FOXRED1: variants seen among roughly 807,000 people sequenced by gnomAD.
FOXRED1 encodes FAD-dependent oxidoreductase domain-containing protein 1.
In FOXRED1, 52 loss-of-function variants were observed where a neutral mutation model predicts 57.8. The ratio of observed to expected loss-of-function variants is 0.90; its 90% CI spans 0.72 to 1.13. The LOEUF is 1.13. Ranked by LOEUF, FOXRED1 falls within the 50% of genes most tolerant of loss-of-function variation. The pLI is 0.00. For missense variants in FOXRED1, 589 were observed against 625.2 expected, an observed-to-expected ratio of 0.94 and a Z score of 0.62; for synonymous variants, 271 against 248.3, an observed-to-expected ratio of 1.09 and a Z score of -0.86.
intron 1 of FOXRED1, among the ~76,000 whole-genome samples, chr11:126,270,607 C>T (rs1353358562): frequency 6.6e-6 from 1 of 152,008 alleles, no homozygotes; most frequent in African/African-American, 2.4e-5. Context: ...AAATAAGGTG[C>T]CATCAAGGAA....
In FOXRED1 at chr11:126,271,713, A is replaced by G; in HGVS notation, c.306+56A>G. 7.2e-7 allele frequency: 1 copy of G among 1,381,812 alleles called. No homozygotes were observed. The highest frequency in any genetic ancestry group is 1.0e-6 in the Non-Finnish European group (1 of 971,814). 85.6% of individuals were successfully genotyped at this position (1,381,812 alleles called of 1,614,324 possible). A position where few individuals can be genotyped will look rare whatever the true frequency, so the allele number is the denominator to read the frequency against. ...TGGGGCAAGAAAGATGACTCATTTT[A>G]TTAAGGACTCTAGCGACAAGGGAAG... On this transcript the variant is annotated intron_variant, in intron 2 of 10. Transcript: ENST00000263578. The surrounding 1 kb of genome is among the most constrained non-coding windows in gnomAD (Gnocchi z 5.3).
At position 126,272,701 on chromosome 11, in the gene FOXRED1, G is replaced by A. The variant is rs917938074; in HGVS notation, c.307-268G>A. ...CCAAATGGTAGGTCAAACGTTAATC[G>A]CCTGCCCTTGGACTTCCAGGCCATT... is the stretch of plus-strand genomic sequence containing the variant. On this transcript the variant is annotated intron_variant, in intron 2 of 10. Coordinates refer to ENST00000263578, the MANE Select transcript of FOXRED1 (RefSeq NM_017547.4). This position sits in a 1 kb window ranked among gnomAD's most constrained non-coding sequence, Gnocchi z 4.6. The A allele has an allele frequency of 1.8e-5, 10 of 550,628 alleles. No homozygotes were observed. The highest frequency in any genetic ancestry group is 7.6e-5 in the African/African-American group (4 of 52,800). The allele number at this position is 550,628 out of a possible 1,614,324, so 34.1% of individuals were successfully genotyped here.
Position 126,273,721 on chromosome 11 carries a change from C to T in FOXRED1, c.536+267C>T, listed in dbSNP as rs1249390941. On this transcript the variant is annotated intron_variant, in intron 4 of 10. Transcript: ENST00000263578. This position sits in a 1 kb window ranked among gnomAD's most constrained non-coding sequence, Gnocchi z 5.9. ...TCCCAGACCTAATAAACCAGAATCT[C>T]TAGGGAAGGAGCCCACAAATCTGGG... 2 of 482,940 alleles carry T rather than the reference C, an allele frequency of 4.1e-6. No homozygotes were observed. Among genetic ancestry groups the T allele is most frequent in the Non-Finnish European group, 7.6e-6 (2 of 263,454 alleles). The allele number at this position is 482,940 out of a possible 1,614,324, so 29.9% of individuals were successfully genotyped here.
At position 126,273,278 on chromosome 11, in the gene FOXRED1, A is replaced by C. The variant is rs1371093077; in HGVS notation, c.418-58A>C. On this transcript the variant is annotated intron_variant, in intron 3 of 10. Transcript: ENST00000263578. The surrounding 1 kb of genome is among the most constrained non-coding windows in gnomAD (Gnocchi z 5.9). The stretch of plus-strand genomic sequence containing the variant: ...GGGAGCTGTGGGGGAAGAAGGCAGG[A>C]AAACTCTTTCTGGCATCCTTAAGTC... 7.4e-7 allele frequency: 1 copy of C among 1,358,072 alleles called. No homozygotes were observed. Among genetic ancestry groups the C allele is most frequent in the Admixed American group, 1.7e-5 (1 of 59,716 alleles). 84.1% of individuals were successfully genotyped at this position (1,358,072 alleles called of 1,614,324 possible).
rs768279930 is a variant in FOXRED1, at chr11:126,275,765, C to T, written c.734-29C>T. On this transcript the variant is annotated intron_variant, in intron 6 of 10. Transcript: ENST00000263578. This position sits in a 1 kb window ranked among gnomAD's most constrained non-coding sequence, Gnocchi z 5.9. ...ATTTCATTCCTCTTCAGCACCTCTA[C>T]GGCCTATTTTTCATTTTCTTCTCTG... 20 of 1,469,768 alleles carry T rather than the reference C, an allele frequency of 1.4e-5. No homozygotes were observed. The highest frequency in any genetic ancestry group is 8.3e-5 in the African/African-American group (6 of 72,130). 91.0% of individuals were successfully genotyped at this position (1,469,768 alleles called of 1,614,324 possible).
chr11:126,275,134 T>C lies in FOXRED1; in HGVS notation c.631+113T>C. ...CCAAGCTGAAGGAGGAACACTTCCC[T>C]CCTGTGTCACGGGAACTGCCCTGGG... On this transcript the variant is annotated intron_variant, in intron 5 of 10. Coordinates refer to ENST00000263578, the MANE Select transcript of FOXRED1 (RefSeq NM_017547.4). This position sits in a 1 kb window ranked among gnomAD's most constrained non-coding sequence, Gnocchi z 5.9. 1.2e-6 allele frequency: 1 copy of C among 843,818 alleles called. No homozygotes were observed. The allele number at this position is 843,818 out of a possible 1,614,324, so 52.3% of individuals were successfully genotyped here.
chr11:126,277,369 G>A lies in FOXRED1; in HGVS notation c.1207-66G>A. The stretch of plus-strand genomic sequence containing the variant: ...TAGAGGGTACTCTGTGCTGAGCCCT[G>A]AGGGGAGTGAGGATGGAGTGTGGCT... On this transcript the variant is annotated intron_variant, in intron 10 of 10. Coordinates refer to ENST00000263578, the MANE Select transcript of FOXRED1 (RefSeq NM_017547.4). This position sits in a 1 kb window ranked among gnomAD's most constrained non-coding sequence, Gnocchi z 6.8. 6.3e-7 allele frequency: 1 copy of A among 1,587,578 alleles called. No individual in the cohort carries two copies. Among genetic ancestry groups the A allele is most frequent in the Non-Finnish European group, 8.6e-7 (1 of 1,157,476 alleles).
At position 126,272,898 on chromosome 11, in the gene FOXRED1, C is replaced by G. The variant is rs1466724438; in HGVS notation, c.307-71C>G. On this transcript the variant is annotated intron_variant, in intron 2 of 10. Coordinates refer to ENST00000263578, the MANE Select transcript of FOXRED1 (RefSeq NM_017547.4). The surrounding 1 kb of genome is among the most constrained non-coding windows in gnomAD (Gnocchi z 4.6). ...TCAACTTTAGGTGTATAGCTCGAAGCTTTCATTGCAGTATTCTAGTCACAT... is the reference window on the plus strand; with the variant it reads ...TCAACTTTAGGTGTATAGCTCGAAGGTTTCATTGCAGTATTCTAGTCACAT... 8 of 829,648 alleles carry G rather than the reference C, an allele frequency of 9.6e-6. No individual in the cohort carries two copies. Among genetic ancestry groups the G allele is most frequent in the Non-Finnish European group, 1.7e-5 (8 of 464,172 alleles). The allele number at this position is 829,648 out of a possible 1,614,324, so 51.4% of individuals were successfully genotyped here. A position where few individuals can be genotyped will look rare whatever the true frequency, so the allele number is the denominator to read the frequency against.
chr11:126,275,455 A>C lies in FOXRED1; in HGVS notation c.733+27A>C. On this transcript the variant is annotated intron_variant, in intron 6 of 10. Coordinates refer to ENST00000263578, the MANE Select transcript of FOXRED1 (RefSeq NM_017547.4). The surrounding 1 kb of genome is among the most constrained non-coding windows in gnomAD (Gnocchi z 5.9). ...TGAGTCTGAGCTTGTTTCCTCTAGCAACCGGGGCATAGGCCTAGACTAGGT... is the reference window on the plus strand; with the variant it reads ...TGAGTCTGAGCTTGTTTCCTCTAGCCACCGGGGCATAGGCCTAGACTAGGT... The C allele has an allele frequency of 6.8e-7, 1 of 1,478,746 alleles. No individual in the cohort carries two copies. The highest frequency in any genetic ancestry group is 1.7e-4 in the Middle Eastern group (1 of 5,806). The allele number at this position is 1,478,746 out of a possible 1,614,324, so 91.6% of individuals were successfully genotyped here. A position where few individuals can be genotyped will look rare whatever the true frequency, so the allele number is the denominator to read the frequency against.
At position 126,271,819 on chromosome 11, in the gene FOXRED1, G is replaced by C. The variant is rs952989237; in HGVS notation, c.306+162G>C. The stretch of plus-strand genomic sequence containing the variant: ...GGACTTTGTTGAGAAATTTTCCTAG[G>C]ATCTTCCTCAGTCGAACCAGGAAGC... On this transcript the variant is annotated intron_variant, in intron 2 of 10. Coordinates refer to ENST00000263578, the MANE Select transcript of FOXRED1 (RefSeq NM_017547.4). The surrounding 1 kb of genome is among the most constrained non-coding windows in gnomAD (Gnocchi z 5.3). The C allele has an allele frequency of 5.9e-6, 4 of 681,772 alleles. No homozygotes were observed. The East Asian group carries it at 1.1e-4, about 19-fold the overall frequency. 42.2% of individuals were successfully genotyped at this position (681,772 alleles called of 1,614,324 possible). A position where few individuals can be genotyped will look rare whatever the true frequency, so the allele number is the denominator to read the frequency against.
Position 126,275,000 on chromosome 11 carries a change from G to GGAGT in FOXRED1, c.612_615dup (p.Ala206SerfsTer15), listed in dbSNP as rs398124308. 3.1e-4 allele frequency: 502 copies of GGAGT among 1,613,142 alleles called. No individual in the cohort carries two copies. The highest frequency in any genetic ancestry group is 3.8e-4 in the Non-Finnish European group (446 of 1,179,108). On this transcript the variant is annotated frameshift_variant, in exon 5 of 11. Transcript: ENST00000263578. LOFTEE classifies it high-confidence loss of function. The surrounding 1 kb of genome is among the most constrained non-coding windows in gnomAD (Gnocchi z 4.8). ...CAAGTTTCCCTGGATAAACACAGAG[G>GGAGT]GAGTGGCTTTGGCGTCTTATGGTGA...
At position 126,272,618 on chromosome 11, in the gene FOXRED1, T is replaced by G; in HGVS notation, c.307-351T>G. On this transcript the variant is annotated intron_variant, in intron 2 of 10. Coordinates refer to ENST00000263578, the MANE Select transcript of FOXRED1 (RefSeq NM_017547.4). The surrounding 1 kb of genome is among the most constrained non-coding windows in gnomAD (Gnocchi z 4.6). ...TTTTTACACTTTAGGTGTTCCTGTT[T>G]GCATTGCCAGCTAGCCACGAGTCTT... 2.7e-6 allele frequency: 1 copy of G among 371,718 alleles called. No homozygotes were observed. The highest frequency in any genetic ancestry group is 2.3e-5 in the South Asian group (1 of 42,862). The allele number at this position is 371,718 out of a possible 1,614,324, so 23.0% of individuals were successfully genotyped here.
chr11:126,273,360 C>A lies in FOXRED1; in HGVS notation c.442C>A (p.Pro148Thr). The A allele has an allele frequency of 6.2e-7, 1 of 1,613,762 alleles. No homozygotes were observed. Among genetic ancestry groups the A allele is most frequent in the Non-Finnish European group, 8.5e-7 (1 of 1,179,770 alleles). ...INEYLAVVDA[P>T]PLDLRFNPSG... is the part of the protein sequence containing the mutation. ...GGAGTACCTGGCCGTAGTCGATGCT[C>A]CTCCCCTGGACCTCCGGTTCAACCC... is the stretch of plus-strand genomic sequence containing the variant. Residue 148 changes from proline to threonine, a missense_variant, in exon 4 of 11, where the codon CCT becomes ACT. By Grantham distance (38) the Pro-to-Thr change is conservative. Transcript: ENST00000263578. The surrounding 1 kb of genome is among the most constrained non-coding windows in gnomAD (Gnocchi z 5.9).
Position 126,275,172 on chromosome 11 carries a change from T to C in FOXRED1, c.631+151T>C. 2 of 805,088 alleles carry C rather than the reference T, an allele frequency of 2.5e-6. No individual in the cohort carries two copies. Among genetic ancestry groups the C allele is most frequent in the Non-Finnish European group, 4.3e-6 (2 of 464,858 alleles). 49.9% of individuals were successfully genotyped at this position (805,088 alleles called of 1,614,324 possible). A position where few individuals can be genotyped will look rare whatever the true frequency, so the allele number is the denominator to read the frequency against. ...GAACTGCCCTGGGCCGTGGTAGTTC[T>C]CTGTCCTTCATCAGGCTTTGTCTCT... On this transcript the variant is annotated intron_variant, in intron 5 of 10. Transcript: ENST00000263578. The surrounding 1 kb of genome is among the most constrained non-coding windows in gnomAD (Gnocchi z 5.9).
rs567511779 is a variant in FOXRED1 at position 126,276,032 on chromosome 11, C to G, written c.811-27C>G. 3 of 1,612,834 alleles carry G rather than the reference C, an allele frequency of 1.9e-6. No individual in the cohort carries two copies. The South Asian group carries it at 3.3e-5, about 18-fold the overall frequency. On this transcript the variant is annotated intron_variant, in intron 7 of 10. Coordinates refer to ENST00000263578, the MANE Select transcript of FOXRED1 (RefSeq NM_017547.4). ...TGCCTGGTGTGTGGTCCGGGCCTTC[C>G]CACTCCTCACCCTCTGGTGTCTGCA...
In FOXRED1 at chr11:126,277,956, C is replaced by A; in HGVS notation, c.*267C>A. The A allele has an allele frequency of 1.6e-6, 1 of 638,200 alleles. No homozygotes were observed. The allele number at this position is 638,200 out of a possible 1,614,324, so 39.5% of individuals were successfully genotyped here. ...AGGGCAATCCATCTGGAGGCCTGAG[C>A]ACCCTGGCCCAGGACTGGCTTCATC... is the stretch of plus-strand genomic sequence containing the variant. On this transcript the variant is annotated 3_prime_UTR_variant, in exon 11 of 11. Transcript: ENST00000263578. This position sits in a 1 kb window ranked among gnomAD's most constrained non-coding sequence, Gnocchi z 6.8.
chr11:126,271,826 C>T lies in FOXRED1; in HGVS notation c.306+169C>T, dbSNP rs1950994134. 1 of 662,012 alleles carries T rather than the reference C, an allele frequency of 1.5e-6. No individual in the cohort carries two copies. Among genetic ancestry groups the T allele is most frequent in the South Asian group, 1.6e-5 (1 of 61,542 alleles). 41.0% of individuals were successfully genotyped at this position (662,012 alleles called of 1,614,324 possible). A position where few individuals can be genotyped will look rare whatever the true frequency, so the allele number is the denominator to read the frequency against. On this transcript the variant is annotated intron_variant, in intron 2 of 10. Coordinates refer to ENST00000263578, the MANE Select transcript of FOXRED1 (RefSeq NM_017547.4). The surrounding 1 kb of genome is among the most constrained non-coding windows in gnomAD (Gnocchi z 5.3). ...GTTGAGAAATTTTCCTAGGATCTTC[C>T]TCAGTCGAACCAGGAAGCTTGGCAA...
chr11:126,273,510 C>T lies in FOXRED1; in HGVS notation c.536+56C>T, dbSNP rs549910800. ...TGGCAGCCAAAGGTGTTGGGTGACT[C>T]CTGCACCAGGTTAGGAAGCGAGAAA... On this transcript the variant is annotated intron_variant, in intron 4 of 10. Transcript: ENST00000263578. This position sits in a 1 kb window ranked among gnomAD's most constrained non-coding sequence, Gnocchi z 5.9. The T allele has an allele frequency of 8.7e-6, 10 of 1,150,020 alleles. No individual in the cohort carries two copies. The highest frequency in any genetic ancestry group is 3.4e-5 in the Admixed American group (2 of 59,442). The allele number at this position is 1,150,020 out of a possible 1,614,324, so 71.2% of individuals were successfully genotyped here. A position where few individuals can be genotyped will look rare whatever the true frequency, so the allele number is the denominator to read the frequency against.
chr11:126,277,854 C>G lies in FOXRED1; in HGVS notation c.*165C>G. On this transcript the variant is annotated 3_prime_UTR_variant, in exon 11 of 11. Transcript: ENST00000263578. This position sits in a 1 kb window ranked among gnomAD's most constrained non-coding sequence, Gnocchi z 6.8. ...ACCCATATGGCTGGGCAGGCACAGG[C>G]AGTGAGGCCGAGGCCAATAGCGAGT... The G allele has an allele frequency of 1.3e-6, 1 of 770,902 alleles. No individual in the cohort carries two copies. The highest frequency in any genetic ancestry group is 2.3e-6 in the Non-Finnish European group (1 of 444,272). 47.8% of individuals were successfully genotyped at this position (770,902 alleles called of 1,614,324 possible).
Sources: allele counts gnomAD v4.1 joint callset (sites outside exome capture counted in the v4.1 genomes callset), GRCh38; gene constraint gnomAD v4.1.1; non-coding constraint Gnocchi (gnomAD v3.1); transcripts MANE v1.5; gene names NCBI Gene and HGNC (gene_info 2026-07-23, HGNC 2026-07-21).